RPS6KA1: variants seen among roughly 807,000 people sequenced by gnomAD.
RPS6KA1 encodes ribosomal protein S6 kinase A1.
RPS6KA1 carries 48 observed loss-of-function variants against 91.3 expected under a neutral mutation model. The observed-to-expected ratio is 0.53, with a 90% CI of 0.42 to 0.67. The LOEUF (loss-of-function observed/expected upper bound fraction) is 0.67. Ranked by LOEUF, RPS6KA1 falls within the 30% of genes least tolerant of loss-of-function variation. The pLI, the probability that RPS6KA1 is intolerant of heterozygous loss-of-function variation, is 0.00. For synonymous variants in RPS6KA1, 359 were observed against 384.7 expected, an observed-to-expected ratio of 0.93 and a Z score of 0.78; for missense variants, 719 against 960.5, an observed-to-expected ratio of 0.75 and a Z score of 3.32.
At chr1:26,569,417 G>A (rs777191603) in intron 17 of RPS6KA1, among the ~76,000 whole-genome samples, 8 of 152,114 alleles carry the variant, frequency 5.3e-5, no homozygotes, top group Non-Finnish European at 1.2e-4. Context: ...GTGGGCATAC[G>A]ATTGTGTTTG....
chr1:26,555,193 C>A lies in RPS6KA1; in HGVS notation c.799C>A (p.Arg267=). The A allele has an allele frequency of 6.2e-7, 1 of 1,614,088 alleles. No homozygotes were observed. The highest frequency in any genetic ancestry group is 8.5e-7 in the Non-Finnish European group (1 of 1,179,998). ...CTCCCTGCCCTTCCAGGGGAAGGAC[C>A]GGAAGGAGACCATGACACTGATTCT... is the stretch of plus-strand genomic sequence containing the variant. The part of the protein sequence containing the change: ...TGSLPFQGKD[R]KETMTLILKA... The change falls in exon 10 of 22, where the codon CGG becomes AGG. Residue 267 remains arginine (R), a synonymous_variant. Coordinates refer to ENST00000374168, the MANE Select transcript of RPS6KA1 (RefSeq NM_002953.4). This position sits in a 1 kb window ranked among gnomAD's most constrained non-coding sequence, Gnocchi z 4.3.
chr1:26,564,052 G>A (rs1168865520), intron 17 of RPS6KA1, among the ~76,000 whole-genome samples: 2 of 152,026 alleles, frequency 1.3e-5, no homozygotes, highest in African/African-American at 4.8e-5. Flanking sequence ...GAACCTGGGA[G>A]GCAGAGGTTG....
At chr1:26,548,339 G>A (rs960692360) in intron 4 of RPS6KA1, among the ~76,000 whole-genome samples, 1 of 152,186 alleles carries the variant, frequency 6.6e-6, no homozygotes, top group Non-Finnish European at 1.5e-5. Context: ...GGAGCTGGGA[G>A]TGGTGGTGTA....
intron 1 of RPS6KA1, chr1:26,530,663 C>G (rs2075860881): frequency 9.6e-7 from 1 of 1,047,068 alleles, no homozygotes; most frequent in Admixed American, 3.4e-5. Flanking sequence ...TATGCCCCTT[C>G]CGGTAGGAAG....
At position 26,561,677 on chromosome 1, in the gene RPS6KA1, C is replaced by T. The variant is rs967900611; in HGVS notation, c.1590+14C>T. ...CACTCACAGGGGGTGAGTCTGGATT[C>T]GGGGAGGCAGTAGGGGGATGCCAAG... On this transcript the variant is annotated intron_variant, in intron 17 of 21. Coordinates refer to ENST00000374168, the MANE Select transcript of RPS6KA1 (RefSeq NM_002953.4). This position sits in a 1 kb window ranked among gnomAD's most constrained non-coding sequence, Gnocchi z 5.7. The T allele has an allele frequency of 1.2e-5, 19 of 1,583,292 alleles. No homozygotes were observed. The highest frequency in any genetic ancestry group is 4.5e-5 in the East Asian group (2 of 44,454).
intron 13 of RPS6KA1, among the ~76,000 whole-genome samples, chr1:26,557,436 C>T (rs1198067522): frequency 1.3e-5 from 2 of 152,270 alleles, no homozygotes; most frequent in South Asian, 2.1e-4. Flanking sequence ...CTTACCATCA[C>T]GTCAGGGAGA....
At chr1:26,557,171 G>T (rs2076109907) in intron 13 of RPS6KA1, 71 bp downstream of exon 13, 4 of 1,248,370 alleles carry the variant, frequency 3.2e-6, no homozygotes, top group African/African-American at 1.5e-5. Context: ...TGGCAGCTTG[G>T]GGGGCAGAGA....
rs998452738 is a variant in RPS6KA1 at position 26,573,124 on chromosome 1, T to G, written c.1948-100T>G. 7.0e-6 allele frequency: 9 copies of G among 1,289,230 alleles called. No individual in the cohort carries two copies. In the East Asian group the frequency reaches 1.9e-4, roughly 27 times the overall value. The allele number at this position is 1,289,230 out of a possible 1,614,324, so 79.9% of individuals were successfully genotyped here. The stretch of plus-strand genomic sequence containing the variant: ...GGATCCCAGGGGCTGCCGCAAGGGT[T>G]CAGGCGGGAGCTAGCAGGAGATGGT... On this transcript the variant is annotated intron_variant, in intron 20 of 21. Coordinates refer to ENST00000374168, the MANE Select transcript of RPS6KA1 (RefSeq NM_002953.4).
Position 26,553,644 on chromosome 1 carries a change from T to C in RPS6KA1, c.575+147T>C, listed in dbSNP as rs1239392609. 3.5e-5 allele frequency: 17 copies of C among 485,150 alleles called. No homozygotes were observed. The Admixed American group carries it at 5.9e-4, about 17-fold the overall frequency. The allele number at this position is 485,150 out of a possible 1,614,324, so 30.1% of individuals were successfully genotyped here. On this transcript the variant is annotated intron_variant, in intron 7 of 21. Transcript: ENST00000374168. ...AGGGATGGGTGAGTGGGGTGGGTGGTAGTGCCAGCTGCCCAGTCACTAATG... is the reference window on the plus strand; with the variant it reads ...AGGGATGGGTGAGTGGGGTGGGTGGCAGTGCCAGCTGCCCAGTCACTAATG...
In RPS6KA1 at chr1:26,555,583, C is replaced by T. The variant is rs1163395530; in HGVS notation, c.874C>T (p.Leu292Phe). 1 of 1,601,922 alleles carries T rather than the reference C, an allele frequency of 6.2e-7. No individual in the cohort carries two copies. The highest frequency in any genetic ancestry group is 8.5e-7 in the Non-Finnish European group (1 of 1,173,670). ...GTTTCTGAGCACTGAAGCCCAGAGC[C>T]TCTTGCGGGCCCTGTTCAAGCGGAA... ...PQFLSTEAQS[L>F]LRALFKRNPA... is the part of the protein sequence containing the mutation. The change falls in exon 11 of 22, where the codon CTC (leucine) becomes TTC (phenylalanine). Residue 292 changes from leucine to phenylalanine, a missense_variant. Physicochemically the swap from Leu to Phe is conservative, Grantham distance 22 (BLOSUM62 0). Around this residue, in one of 5 missense-constraint regions of RPS6KA1, gnomAD observed 228 missense variants for 247.6 expected, o/e 0.92. Coordinates refer to ENST00000374168, the MANE Select transcript of RPS6KA1 (RefSeq NM_002953.4). This position sits in a 1 kb window ranked among gnomAD's most constrained non-coding sequence, Gnocchi z 4.3.
chr1:26,571,678 G>A lies in RPS6KA1; in HGVS notation c.1752+68G>A. On this transcript the variant is annotated intron_variant, in intron 18 of 21. Coordinates refer to ENST00000374168, the MANE Select transcript of RPS6KA1 (RefSeq NM_002953.4). The surrounding 1 kb of genome is among the most constrained non-coding windows in gnomAD (Gnocchi z 5.1). ...TGGAGGCCTTGTGCCCCCTCCCAGA[G>A]GCCCCACATTAGCCGGGACTCCAGT... The A allele has an allele frequency of 6.4e-7, 1 of 1,568,532 alleles. No homozygotes were observed. Among genetic ancestry groups the A allele is most frequent in the Non-Finnish European group, 8.7e-7 (1 of 1,152,022 alleles).
At chr1:26,556,751 C>G (rs1557505329) in intron 12 of RPS6KA1, 33 bp downstream of exon 12, 2 of 1,611,838 alleles carry the variant, frequency 1.2e-6, no homozygotes, top group African/African-American at 2.7e-5. Context: ...GGGCTCTGGC[C>G]AGGGCTCAGC....
At chr1:26,545,994 C>G (rs772509017) in intron 2 of RPS6KA1, 6 of 1,611,558 alleles carry the variant, frequency 3.7e-6, no homozygotes, top group Non-Finnish European at 3.4e-6. Flanking sequence ...CCAGACCTCT[C>G]TGCCTGTCCC....
chr1:26,537,880 G>A (rs534016699), intron 2 of RPS6KA1, among the ~76,000 whole-genome samples: 6 of 152,318 alleles, frequency 3.9e-5, no homozygotes, highest in Admixed American at 2.6e-4. Flanking sequence ...TGTGAAGGAC[G>A]ATGAGATAGT....
intron 1 of RPS6KA1, among the ~76,000 whole-genome samples, chr1:26,534,311 GGGTGCCAA>G (rs2075890429): frequency 6.6e-6 from 1 of 152,302 alleles, no homozygotes; most frequent in East Asian, 1.9e-4. Flanking sequence ...GACTCTGGCT[GGGTGCCAA>G]GATGTTGATG....
Position 26,573,287 on chromosome 1 carries a change from C to T in RPS6KA1, c.2011C>T (p.Gln671Ter). 6.2e-7 allele frequency: 1 copy of T among 1,614,202 alleles called. No homozygotes were observed. Among genetic ancestry groups the T allele is most frequent in the Non-Finnish European group, 8.5e-7 (1 of 1,180,022 alleles). The change falls in exon 21 of 22, where the codon CAG becomes TAG. Residue 671 changes from glutamine (Q) to a stop codon, truncating the protein, a stop_gained. Coordinates refer to ENST00000374168, the MANE Select transcript of RPS6KA1 (RefSeq NM_002953.4). LOFTEE classifies it high-confidence loss of function. ...HQRLTAKQVL[Q>*]HPWVTQKDKL... ...GCGCCTCACAGCTAAGCAGGTTCTG[C>T]AGCATCCATGGGTCACCCAGAAAGA...
In RPS6KA1 at chr1:26,572,352, G is replaced by A. The variant is rs200033248; in HGVS notation, c.1947+59G>A. ...AGGAGGGAGGCAGGGTCCCATCCTA[G>A]GGCTTTTCAGCAGTTCATGAACAGC... On this transcript the variant is annotated intron_variant, in intron 20 of 21. Transcript: ENST00000374168. 950 of 1,142,944 alleles carry A rather than the reference G, an allele frequency of 8.3e-4. 3 individuals carry two copies. Among genetic ancestry groups the A allele is most frequent in the Non-Finnish European group, 8.3e-4 (625 of 753,050 alleles). The allele number at this position is 1,142,944 out of a possible 1,614,324, so 70.8% of individuals were successfully genotyped here.
intron 17 of RPS6KA1, among the ~76,000 whole-genome samples, chr1:26,562,350 G>A (rs1467748283): frequency 6.6e-6 from 1 of 152,170 alleles, no homozygotes; most frequent in Non-Finnish European, 1.5e-5. Flanking sequence ...ACATAGCCCG[G>A]GAAGAATGGA....
intron 11 of RPS6KA1, chr1:26,556,175 G>T: frequency 4.9e-6 from 1 of 205,026 alleles, no homozygotes. Context: ...TAGGTGTCCA[G>T]TGTGTGCTGG....
Sources: allele counts gnomAD v4.1 joint callset (sites outside exome capture counted in the v4.1 genomes callset), GRCh38; gene constraint gnomAD v4.1.1; regional missense constraint gnomAD v4.1.1; non-coding constraint Gnocchi (gnomAD v3.1); transcripts MANE v1.5; gene names NCBI Gene and HGNC (gene_info 2026-07-23, HGNC 2026-07-21).